The following MIIP variants were observed in gnomAD, a reference collection of about 807,000 sequenced individuals.
MIIP encodes migration and invasion inhibitory protein.
Under a neutral mutation model 44.8 loss-of-function variants are expected in MIIP, and 44 were observed. The observed-to-expected ratio is 0.98, with a 90% CI of 0.77 to 1.26. The LOEUF is 1.26. MIIP is among the 50% of genes most tolerant of loss of function. The pLI is 0.00. For synonymous variants in MIIP, 225 were observed against 218.3 expected (o/e 1.03, Z -0.27); for missense variants, 496 against 511.7 (o/e 0.97, Z 0.30).
At chr1:12,020,729 G>A (rs544657681) in intron 1 of MIIP, among the ~76,000 whole-genome samples, 8 of 152,096 alleles carry the variant, frequency 5.3e-5, no homozygotes, top group African/African-American at 1.4e-4. Context: ...TGTCGCCCAG[G>A]CTGGAGCGCA....
intron 2 of MIIP, 83 bp downstream of exon 2, chr1:12,021,923 C>G: frequency 3.9e-6 from 5 of 1,289,510 alleles, no homozygotes; most frequent in Admixed American, 2.4e-5. Context: ...TCATCTTGTT[C>G]AATACACCCA....
chr1:12,025,843 G>A (rs1049096300), intron 4 of MIIP, among the ~76,000 whole-genome samples: 2 of 152,010 alleles, frequency 1.3e-5, no homozygotes, highest in African/African-American at 4.8e-5. Flanking sequence ...GATTACAGAC[G>A]TCCACTACCA....
In MIIP at chr1:12,022,287, C is replaced by T. The variant is rs771102670; in HGVS notation, c.307C>T (p.Gln103Ter). 1 of 1,613,886 alleles carries T rather than the reference C, an allele frequency of 6.2e-7. No homozygotes were observed. Among genetic ancestry groups the T allele is most frequent in the Non-Finnish European group, 8.5e-7 (1 of 1,179,990 alleles). The part of the protein sequence containing the change: ...ASLPPAKCQH[Q>*]ESLGRPRPHS... ...TCTCCCACCTGCCAAATGCCAGCAC[C>T]AGGAGTCCCTGGGCCGACCGAGACC... Residue 103 changes from glutamine (Q) to a stop codon, truncating the protein, a stop_gained, in exon 3 of 10, where the codon CAG becomes TAG. Transcript: ENST00000235332. LOFTEE classifies it high-confidence loss of function.
At chr1:12,022,736 G>A in intron 3 of MIIP, 97 bp from the exon 4 acceptor site, 1 of 970,634 alleles carries the variant, frequency 1.0e-6, no homozygotes, top group Non-Finnish European at 1.6e-6. Flanking sequence ...AAGTCAGGGT[G>A]TAAGTTAAGA....
chr1:12,025,116 G>A (rs1640077897), intron 4 of MIIP, among the ~76,000 whole-genome samples: 1 of 149,570 alleles, frequency 6.7e-6, no homozygotes, highest in African/African-American at 2.5e-5. Context: ...CTGGAGTGCA[G>A]TGGTGTGATC....
chr1:12,021,035 C>T (rs773097143), intron 1 of MIIP, among the ~76,000 whole-genome samples: 58 of 152,036 alleles, frequency 3.8e-4, no homozygotes, highest in Non-Finnish European at 6.9e-4. Context: ...GCCTGGGTCT[C>T]CTGGGCTAAA....
chr1:12,027,866 A>C (rs1640136125), intron 4 of MIIP, among the ~76,000 whole-genome samples: 1 of 152,202 alleles, frequency 6.6e-6, no homozygotes, highest in Non-Finnish European at 1.5e-5. Flanking sequence ...CAGGCCATAA[A>C]CTTGCTGGAT....
In MIIP at chr1:12,030,065, C is replaced by G. The variant is rs200865633; in HGVS notation, c.883C>G (p.Arg295Gly). ...GCTGTCGATCCTGGAGCCCCCGCACCGGTACCACATCCACCGGCGAAAGAG... is the reference window on the plus strand; with the variant it reads ...GCTGTCGATCCTGGAGCCCCCGCACGGGTACCACATCCACCGGCGAAAGAG... Reference protein sequence around the residue: ...IPLSILEPPHRYHIHRRKSFD... With the variant: ...IPLSILEPPHGYHIHRRKSFD... The change falls in exon 8 of 10, where the codon CGG becomes GGG. Residue 295 changes from arginine (R) to glycine (G), a missense_variant. Physicochemically the swap from Arg to Gly is moderately radical, Grantham distance 125. Transcript: ENST00000235332. 19 of 1,613,412 alleles carry G rather than the reference C, an allele frequency of 1.2e-5. No homozygotes were observed. In the African/African-American group the frequency reaches 2.3e-4, roughly 19 times the overall value.
intron 4 of MIIP, among the ~76,000 whole-genome samples, chr1:12,026,670 T>G (rs1469016697): frequency 2.6e-5 from 4 of 152,210 alleles, no homozygotes; most frequent in Admixed American, 2.6e-4. Context: ...TTGTATCTCA[T>G]GCTCCCTGCA....
rs1307800513 is a variant in MIIP at position 12,030,113 on chromosome 1, GC to G, written c.934del (p.Leu312CysfsTer80). 1.2e-6 allele frequency: 2 copies of G among 1,612,698 alleles called. No individual in the cohort carries two copies. The highest frequency in any genetic ancestry group is 1.7e-6 in the Non-Finnish European group (2 of 1,179,924). On this transcript the variant is annotated frameshift_variant, in exon 8 of 10. Coordinates refer to ENST00000235332, the MANE Select transcript of MIIP (RefSeq NM_021933.4). LOFTEE classifies it high-confidence loss of function. Reference sequence around the variant, plus strand: ...GAGCTTTGACGCCTCTGACACACTGGCCCTGCCCCGGGTGAGCAGCCACGTG... The same window carrying G: ...GAGCTTTGACGCCTCTGACACACTGGCCTGCCCCGGGTGAGCAGCCACGTG... ...RKSFDASDTL[A>X]LPRHCLLGWD... is the part of the protein sequence containing the mutation.
At chr1:12,019,858 A>G (rs890416890) in intron 1 of MIIP, among the ~76,000 whole-genome samples, 3 of 152,122 alleles carry the variant, frequency 2.0e-5, no homozygotes, top group Non-Finnish European at 4.4e-5. Context: ...CCCTCTGACT[A>G]TAGGGGTGTG....
intron 9 of MIIP, 102 bp downstream of exon 9, chr1:12,031,505 G>A: frequency 6.4e-7 from 1 of 1,561,594 alleles, no homozygotes; most frequent in Non-Finnish European, 8.7e-7. Flanking sequence ...TAGGATTGAG[G>A]TGGGGAGGAT....
Position 12,031,345 on chromosome 1 carries a change from C to CT in MIIP, c.1023dup (p.Val342CysfsTer4), listed in dbSNP as rs3215608. 344 of 1,613,964 alleles carry CT rather than the reference C, an allele frequency of 2.1e-4. 1 individual carries two copies. The East Asian group carries it at 7.5e-3, about 35-fold the overall frequency. The stretch of plus-strand genomic sequence containing the variant: ...CCCAGGAACCTGGACCTCTGGTCCT[C>CT]TGTCTCCGCTGAGGCCCAGCACCAG... On this transcript the variant is annotated frameshift_variant, in exon 9 of 10. Transcript: ENST00000235332. LOFTEE classifies it high-confidence loss of function.
At position 12,029,108 on chromosome 1, in the gene MIIP, C is replaced by A; in HGVS notation, c.623C>A (p.Thr208Asn). The A allele has an allele frequency of 6.2e-7, 1 of 1,614,184 alleles. No individual in the cohort carries two copies. The change falls in exon 5 of 10, where the codon ACC becomes AAC. Residue 208 changes from threonine to asparagine, a missense_variant. Physicochemically the swap from Thr to Asn is moderately conservative, Grantham distance 65 (BLOSUM62 0). Coordinates refer to ENST00000235332, the MANE Select transcript of MIIP (RefSeq NM_021933.4). The stretch of plus-strand genomic sequence containing the variant: ...TCCAAGCTGCAGGAGTTTCGGGAAA[C>A]CAACAAGGAGGAGTGTATCTGCAGC... Reference protein sequence around the residue: ...FFSKLQEFRETNKEECICSHP... With the variant: ...FFSKLQEFRENNKEECICSHP...
Position 12,021,853 on chromosome 1 carries a change from C to G in MIIP, c.114+13C>G. ...GGCAGCCTCGGAGGTGCGTGCCCGC[C>G]TTGGGAACCCCAGAGGAAGGGGCTA... On this transcript the variant is annotated intron_variant, in intron 2 of 9. Transcript: ENST00000235332. 1 of 1,585,046 alleles carries G rather than the reference C, an allele frequency of 6.3e-7. No homozygotes were observed. The highest frequency in any genetic ancestry group is 8.6e-7 in the Non-Finnish European group (1 of 1,165,656).
chr1:12,026,965 G>A (rs985670012), intron 4 of MIIP, among the ~76,000 whole-genome samples: 3 of 150,308 alleles, frequency 2.0e-5, no homozygotes, highest in Admixed American at 6.6e-5. Context: ...GTCTAGCCTC[G>A]TTGCCTTCAA....
At position 12,021,836 on chromosome 1, in the gene MIIP, C is replaced by T. The variant is rs574514048; in HGVS notation, c.110C>T (p.Ser37Leu). Residue 37 changes from serine (S) to leucine (L), a missense_variant, in exon 2 of 10, where the codon TCG (serine) becomes TTG (leucine). By Grantham distance (145) the Ser-to-Leu change is moderately radical. Coordinates refer to ENST00000235332, the MANE Select transcript of MIIP (RefSeq NM_021933.4). ...AVRRSVARAA[S>L]ESSLESSSSY... ...CGGCGGTCAGTGGCCAGGGCAGCCT[C>T]GGAGGTGCGTGCCCGCCTTGGGAAC... is the stretch of plus-strand genomic sequence containing the variant. 2.3e-5 allele frequency: 37 copies of T among 1,604,850 alleles called. No homozygotes were observed. Among genetic ancestry groups the T allele is most frequent in the South Asian group, 1.1e-4 (10 of 90,388 alleles).
chr1:12,029,645 C>T lies in MIIP; in HGVS notation c.716-120C>T, dbSNP rs530530725. ...GGAAAGGGGTTAGGAGGAAATGGGC[C>T]GAAGGGCTTCCCAGAGGGATTGGCA... is the stretch of plus-strand genomic sequence containing the variant. On this transcript the variant is annotated intron_variant, in intron 6 of 9. Coordinates refer to ENST00000235332, the MANE Select transcript of MIIP (RefSeq NM_021933.4). 147 of 1,411,584 alleles carry T rather than the reference C, an allele frequency of 1.0e-4. No homozygotes were observed. In the East Asian group the frequency reaches 2.8e-3, roughly 26 times the overall value. The allele number at this position is 1,411,584 out of a possible 1,614,324, so 87.4% of individuals were successfully genotyped here. A position where few individuals can be genotyped will look rare whatever the true frequency, so the allele number is the denominator to read the frequency against.
intron 4 of MIIP, among the ~76,000 whole-genome samples, chr1:12,026,423 A>G (rs1372130229): frequency 6.6e-6 from 1 of 152,104 alleles, no homozygotes; most frequent in Non-Finnish European, 1.5e-5. Flanking sequence ...TGGTTCTGGG[A>G]AAATGGAAGC....
Sources: gnomAD v4.1 joint callset for allele counts (sites outside exome capture counted in the v4.1 genomes callset) on GRCh38, gnomAD v4.1.1 for gene constraint, MANE v1.5 for transcripts, NCBI Gene and HGNC (gene_info 2026-07-23, HGNC 2026-07-21) for gene names.